Variants in A1CF observed in about 807,000 individuals in gnomAD.
A1CF encodes the protein APOBEC-1 stimulating protein.
A neutral mutation model predicts 68.9 loss-of-function variants in A1CF; 48 were observed. The observed-to-expected ratio is 0.70, with a 90% CI of 0.55 to 0.89. The LOEUF is 0.89. Among genes scored for constraint, A1CF ranks in the 40% least tolerant of loss-of-function variants. A1CF has a pLI of 0.00. For synonymous variants in A1CF, 272 were observed against 260.4 expected (o/e 1.04, Z -0.43); for missense variants, 653 against 718.9 (o/e 0.91, Z 1.05).
rs757797329 is a variant in A1CF at position 50,828,116 on chromosome 10, G to T, written c.769+15C>A. Reference sequence around the variant, plus strand: ...AAGAATGTTTTGAAAAACTAATCTTGTATATATGTCCTACCTGGTTTGATA... The same window carrying T: ...AAGAATGTTTTGAAAAACTAATCTTTTATATATGTCCTACCTGGTTTGATA... On this transcript the variant is annotated intron_variant, in intron 7 of 12. Transcript: ENST00000373997. 4 of 1,532,066 alleles carry T rather than the reference G, an allele frequency of 2.6e-6. No homozygotes were observed. Among genetic ancestry groups the T allele is most frequent in the Non-Finnish European group, 3.5e-6 (4 of 1,127,294 alleles). 94.9% of individuals were successfully genotyped at this position (1,532,066 alleles called of 1,614,324 possible). A position where few individuals can be genotyped will look rare whatever the true frequency, so the allele number is the denominator to read the frequency against.
intron 6 of A1CF, among the ~76,000 whole-genome samples, chr10:50,829,201 C>T (rs1839118271): frequency 6.6e-6 from 1 of 152,018 alleles, no homozygotes; most frequent in Non-Finnish European, 1.5e-5. Flanking sequence ...TTCTACTTAA[C>T]CACCTCCCCC....
intron 8 of A1CF, among the ~76,000 whole-genome samples, chr10:50,817,342 C>A (rs1288701074): frequency 6.6e-6 from 1 of 152,038 alleles, no homozygotes; most frequent in African/African-American, 2.4e-5. Flanking sequence ...GAGTGTGCAC[C>A]CTTACCCTCT....
At chr10:50,807,910 G>A (rs1236414846) in intron 12 of A1CF, among the ~76,000 whole-genome samples, 1 of 152,190 alleles carries the variant, frequency 6.6e-6, no homozygotes, top group Non-Finnish European at 1.5e-5. Flanking sequence ...GTGGCAGGAA[G>A]CTGGTTGGAT....
At chr10:50,810,592 AGCCTGCTGAGTAACTATGACTACAGGC>A (rs1411805835) in intron 11 of A1CF, among the ~76,000 whole-genome samples, 5 of 152,174 alleles carry the variant, frequency 3.3e-5, no homozygotes, top group South Asian at 2.1e-4. Context: ...CTCCTGCCTC[AGCCTGCTGAGTAACTATGACTACAGGC>A]GCCTGCTGAG....
chr10:50,859,429 A>T (rs1464059607), intron 3 of A1CF, among the ~76,000 whole-genome samples: 3 of 152,150 alleles, frequency 2.0e-5, no homozygotes, highest in African/African-American at 7.2e-5. Context: ...AGACACAAAA[A>T]GTTCATTCCT....
chr10:50,799,425 C>T lies in A1CF; in HGVS notation c.*7304G>A, dbSNP rs1175265544. 1 of 152,032 alleles carries T rather than the reference C, an allele frequency of 6.6e-6. No individual in the cohort carries two copies. The highest frequency in any genetic ancestry group is 1.5e-5 in the Non-Finnish European group (1 of 67,970). The allele number at this position is 152,032 out of a possible 1,614,324, so 9.4% of individuals were successfully genotyped here. ...CAACTCATATTGATAATTTTTAAAA[C>T]TTTATAATGGCACTTGAAAATTCAA... is the stretch of plus-strand genomic sequence containing the variant. On this transcript the variant is annotated 3_prime_UTR_variant, in exon 13 of 13. Coordinates refer to ENST00000373997, the MANE Select transcript of A1CF (RefSeq NM_014576.4).
intron 6 of A1CF, among the ~76,000 whole-genome samples, chr10:50,829,215 TTTG>T (rs1839121055): frequency 6.6e-6 from 1 of 152,022 alleles, no homozygotes; most frequent in Non-Finnish European, 1.5e-5. Context: ...CTCCCCCTTT[TTTG>T]TTGTTGTTTT....
intron 3 of A1CF, among the ~76,000 whole-genome samples, chr10:50,853,973 T>C (rs1263348807): frequency 6.6e-6 from 1 of 152,088 alleles, no homozygotes; most frequent in African/African-American, 2.4e-5. Context: ...ACTATATCAA[T>C]ATTAAACAAA....
In A1CF at chr10:50,856,951, C is replaced by T. The variant is rs187612260; in HGVS notation, c.99+2891G>A. 2.0e-5 allele frequency among the ~76,000 whole-genome samples: 3 copies of T among 152,010 alleles called. No individual in the cohort carries two copies. The East Asian group carries it at 5.8e-4, about 29-fold the overall frequency. On this transcript the variant is annotated intron_variant, in intron 3 of 12. Coordinates refer to ENST00000373997, the MANE Select transcript of A1CF (RefSeq NM_014576.4). Reference sequence around the variant, plus strand: ...ATTATTTTCTCTATCAGATAAATGTCCTTAAATCATAACATTTGACCTTAC... The same window carrying T: ...ATTATTTTCTCTATCAGATAAATGTTCTTAAATCATAACATTTGACCTTAC...
chr10:50,838,371 GT>G (rs1209976154), intron 5 of A1CF, among the ~76,000 whole-genome samples: 6 of 151,604 alleles, frequency 4.0e-5, no homozygotes, highest in African/African-American at 1.2e-4. Context: ...AATCTTCCAA[GT>G]TTTTTTTTAA....
chr10:50,814,082 T>G, intron 9 of A1CF, 44 bp from the exon 10 acceptor site: 2 of 1,604,230 alleles, frequency 1.2e-6, no homozygotes, highest in South Asian at 1.1e-5. Context: ...TAAGAAGGCA[T>G]TAAACTGAAT....
At chr10:50,854,299 C>T (rs1564523314) in intron 3 of A1CF, among the ~76,000 whole-genome samples, 1 of 151,824 alleles carries the variant, frequency 6.6e-6, no homozygotes, top group East Asian at 1.9e-4. Context: ...TATATGTAGC[C>T]TTCAGATTTT....
intron 1 of A1CF, among the ~76,000 whole-genome samples, chr10:50,870,135 C>T (rs902012102): frequency 6.6e-6 from 1 of 151,828 alleles, no homozygotes; most frequent in African/African-American, 2.4e-5. Flanking sequence ...TCACTTTAAA[C>T]ATTTGTCTCT....
At chr10:50,842,827 T>G (rs989279653) in intron 4 of A1CF, among the ~76,000 whole-genome samples, 2 of 152,176 alleles carry the variant, frequency 1.3e-5, no homozygotes, top group African/African-American at 2.4e-5. Flanking sequence ...CTGGGAGGCT[T>G]GTCATTTTCT....
At chr10:50,873,987 T>C (rs942831552) in intron 1 of A1CF, among the ~76,000 whole-genome samples, 1 of 149,364 alleles carries the variant, frequency 6.7e-6, no homozygotes, top group African/African-American at 2.6e-5. Flanking sequence ...TGTGTATATA[T>C]GTATATATCT....
rs1838088677 is a variant in A1CF, at chr10:50,811,073, G to GAA, written c.1426_1427insTT (p.Thr476IlefsTer6). ...ATTCTGGCTGGCTAGAGCAGGAATA[G>GAA]TTATTTTGTACAAGAATAGCTGTCT... On this transcript the variant is annotated frameshift_variant, in exon 11 of 13. Coordinates refer to ENST00000373997, the MANE Select transcript of A1CF (RefSeq NM_014576.4). LOFTEE classifies it high-confidence loss of function. 1 of 1,613,544 alleles carries GAA rather than the reference G, an allele frequency of 6.2e-7. No individual in the cohort carries two copies. The highest frequency in any genetic ancestry group is 8.5e-7 in the Non-Finnish European group (1 of 1,179,652).
rs575144875 is a variant in A1CF, at chr10:50,879,908, G to T, written c.-94+5673C>A. Among the ~76,000 whole-genome samples, 7 of 152,300 alleles carry T rather than the reference G, an allele frequency of 4.6e-5. No individual in the cohort carries two copies. In the East Asian group the frequency reaches 1.4e-3, roughly 29 times the overall value. On this transcript the variant is annotated intron_variant, in intron 1 of 12. Transcript: ENST00000373997. ...TGAGTCTCTGGCTAGGTCAGTCCAT[G>T]AGTCTGGGCACAGCAAGGAAGGTGA...
chr10:50,871,816 C>T (rs528105861), intron 1 of A1CF, among the ~76,000 whole-genome samples: 256 of 152,090 alleles, frequency 1.7e-3, no homozygotes, highest in African/African-American at 5.9e-3. Flanking sequence ...TGTGTAACTT[C>T]CAGAAGTAAA....
chr10:50,841,854 G>A lies in A1CF; in HGVS notation c.365+8C>T, dbSNP rs371396606. ...TTTCACTTTTAATCTAGAAGAGGCG[G>A]AGCTTACCTAATTTCATAATTATTA... On this transcript the variant is annotated splice_region_variant and intron_variant, in intron 5 of 12. Transcript: ENST00000373997. The A allele has an allele frequency of 8.1e-6, 13 of 1,612,258 alleles. No homozygotes were observed. Among genetic ancestry groups the A allele is most frequent in the South Asian group, 7.7e-5 (7 of 90,876 alleles).
Sources: allele counts gnomAD v4.1 joint callset (sites outside exome capture counted in the v4.1 genomes callset), GRCh38; gene constraint gnomAD v4.1.1; transcripts MANE v1.5; gene names NCBI Gene and HGNC (gene_info 2026-07-23, HGNC 2026-07-21).